CALN1: variants seen among roughly 807,000 people sequenced by gnomAD.
The protein encoded by CALN1 is calneuron 1.
In CALN1, 17 loss-of-function variants were observed where a neutral mutation model predicts 30.6. That is an observed-to-expected ratio of 0.56 (90% CI 0.38 to 0.83). The LOEUF is 0.83. Among genes scored for constraint, CALN1 ranks in the 40% least tolerant of loss-of-function variants. CALN1 has a pLI of 0.00. For synonymous variants in CALN1, 156 were observed against 131.4 expected, an observed-to-expected ratio of 1.19 and a Z score of -1.28; for missense variants, 291 against 354.9, an observed-to-expected ratio of 0.82 and a Z score of 1.45.
intron 3 of CALN1, among the ~76,000 whole-genome samples, chr7:72,137,460 G>T (rs557503443): frequency 6.6e-6 from 1 of 152,196 alleles, no homozygotes; most frequent in Admixed American, 6.5e-5. Context: ...CCAGAGGCAC[G>T]AAGTGAGCAC....
At chr7:71,978,317 G>A (rs192650824) in intron 5 of CALN1, among the ~76,000 whole-genome samples, 2,439 of 136,332 alleles carry the variant, frequency 0.018, 27 homozygotes, top group Admixed American at 0.026. Flanking sequence ...TGTCACCCAG[G>A]CTGGAGGGCA....
intron 5 of CALN1, among the ~76,000 whole-genome samples, chr7:72,003,275 A>G (rs1483522495): frequency 6.6e-6 from 1 of 152,266 alleles, no homozygotes; most frequent in East Asian, 1.9e-4. Flanking sequence ...TACCCTTGTC[A>G]AGACAAGTAT....
At chr7:72,211,413 T>G (rs1162832313) in intron 3 of CALN1, among the ~76,000 whole-genome samples, 1 of 152,220 alleles carries the variant, frequency 6.6e-6, no homozygotes, top group African/African-American at 2.4e-5. Flanking sequence ...GACTCTCAGA[T>G]GGAGCTCCAT....
At chr7:72,458,949 C>T in the CALN1 span, among the ~76,000 whole-genome samples, 175 of 147,500 alleles carry the variant, frequency 1.2e-3, no homozygotes, top group African/African-American at 4.0e-3. Flanking sequence ...CTTACTCTGT[C>T]GCCCAGTGTG....
chr7:72,227,326 G>C (rs373758015), intron 3 of CALN1, among the ~76,000 whole-genome samples: 13 of 151,632 alleles, frequency 8.6e-5, no homozygotes, highest in African/African-American at 2.9e-4. Context: ...GATAACTAAA[G>C]GTCAGGAGTT....
intron 3 of CALN1, among the ~76,000 whole-genome samples, chr7:72,160,273 T>C (rs1293149191): frequency 1.6e-5 from 2 of 122,690 alleles, no homozygotes; most frequent in Non-Finnish European, 3.2e-5. Flanking sequence ...CTATTTATTT[T>C]CTTTTTAGTT....
At chr7:72,397,382 G>T (rs866291166) in intron 2 of CALN1, among the ~76,000 whole-genome samples, 13 of 152,120 alleles carry the variant, frequency 8.5e-5, no homozygotes, top group African/African-American at 3.1e-4. Flanking sequence ...AAAGTCAAGA[G>T]GATAGAAGGT....
At chr7:72,392,036 C>G (rs936777441) in intron 2 of CALN1, among the ~76,000 whole-genome samples, 1 of 152,172 alleles carries the variant, frequency 6.6e-6, no homozygotes, top group African/African-American at 2.4e-5. Flanking sequence ...AAATGCCAAC[C>G]GGGTTCCATC....
At position 71,897,482 on chromosome 7, in the gene CALN1, C is replaced by A. The variant is rs547424088; in HGVS notation, c.502-86990G>T. Among the ~76,000 whole-genome samples the A allele has an allele frequency of 7.9e-5, 12 of 152,076 alleles. No homozygotes were observed. In the South Asian group the frequency reaches 2.5e-3, roughly 32 times the overall value. On this transcript the variant is annotated intron_variant, in intron 5 of 6. Coordinates refer to ENST00000395275, the MANE Select transcript of CALN1 (RefSeq NM_031468.4). ...CAGCTCAGCACACATTTCTTCCTGT[C>A]CAAGGATAAAAGAACAGAAAACAAA...
intron 2 of CALN1, among the ~76,000 whole-genome samples, chr7:72,313,232 A>G (rs1418804574): frequency 6.6e-6 from 1 of 152,190 alleles, no homozygotes; most frequent in African/African-American, 2.4e-5. Context: ...AACCCAGATG[A>G]GTATGGTAAT....
chr7:71,935,948 G>A (rs147488439), intron 5 of CALN1, among the ~76,000 whole-genome samples: 266 of 152,282 alleles, frequency 1.7e-3, no homozygotes, highest in South Asian at 3.3e-3. Context: ...TTTTGGCAGT[G>A]CAGGCAAGGA....
chr7:72,037,460 A>C (rs1801871332), intron 4 of CALN1, among the ~76,000 whole-genome samples: 1 of 152,124 alleles, frequency 6.6e-6, no homozygotes, highest in South Asian at 2.1e-4. Flanking sequence ...TCCTTTCATA[A>C]TTTTTGATAG....
intron 5 of CALN1, among the ~76,000 whole-genome samples, chr7:71,856,868 T>C (rs993247734): frequency 6.6e-6 from 1 of 151,994 alleles, no homozygotes; most frequent in East Asian, 1.9e-4. Flanking sequence ...GGTGGAAGGG[T>C]CGCTTCAACC....
intron 3 of CALN1, among the ~76,000 whole-genome samples, chr7:72,207,305 G>A (rs931226575): frequency 2.0e-5 from 3 of 152,062 alleles, no homozygotes; most frequent in African/African-American, 4.8e-5. Context: ...TCTGCCCCTG[G>A]ATCTTCCCAT....
At chr7:72,306,286 T>C (rs1043010942) in intron 2 of CALN1, among the ~76,000 whole-genome samples, 11 of 152,216 alleles carry the variant, frequency 7.2e-5, no homozygotes, top group African/African-American at 2.7e-4. Context: ...GATCTTTTTC[T>C]TCCAGGCCCT....
intron 5 of CALN1, among the ~76,000 whole-genome samples, chr7:71,855,246 T>A (rs996836180): frequency 1.3e-5 from 2 of 152,180 alleles, no homozygotes; most frequent in Non-Finnish European, 2.9e-5. Flanking sequence ...AGATGCAAAC[T>A]TGCATGTCTC....
intron 5 of CALN1, among the ~76,000 whole-genome samples, chr7:71,956,520 T>G (rs1584605486): frequency 4.4e-5 from 6 of 137,798 alleles, no homozygotes; most frequent in South Asian, 4.8e-4. Context: ...AGAGGGAGGG[T>G]GTCGTTATGT....
intron 3 of CALN1, among the ~76,000 whole-genome samples, chr7:72,205,551 AATATATATATAT>A (rs1554319583): frequency 1.2e-5 from 1 of 83,052 alleles, no homozygotes; most frequent in Non-Finnish European, 2.0e-5. Context: ...GCAAAAAAAA[AATATATATATAT>A]ATATGTATAT....
At position 71,899,693 on chromosome 7, in the gene CALN1, G is replaced by T. The variant is rs186899510; in HGVS notation, c.502-89201C>A. 6.0e-4 allele frequency among the ~76,000 whole-genome samples: 92 copies of T among 152,132 alleles called. No individual in the cohort carries two copies. The East Asian group carries it at 0.016, about 27-fold the overall frequency. ...TTCATATGAACAAATAAACAGGAAA[G>T]AATAATGTGAGAGGGCCAGGTCTCC... is the stretch of plus-strand genomic sequence containing the variant. On this transcript the variant is annotated intron_variant, in intron 5 of 6. Transcript: ENST00000395275.
Sources: allele counts gnomAD v4.1 joint callset (sites outside exome capture counted in the v4.1 genomes callset), GRCh38; gene constraint gnomAD v4.1.1; transcripts MANE v1.5; gene names NCBI Gene and HGNC (gene_info 2026-07-23, HGNC 2026-07-21).